The following LPP variants were observed in gnomAD, a reference collection of about 807,000 sequenced individuals.
LPP encodes lipoma-preferred partner.
Under a neutral mutation model 60.4 loss-of-function variants are expected in LPP, and 38 were observed. The ratio of observed to expected loss-of-function variants is 0.63; its 90% CI spans 0.49 to 0.83. LPP has a LOEUF of 0.83. Ranked by LOEUF, LPP falls within the 40% of genes least tolerant of loss-of-function variation. The probability of loss-of-function intolerance (pLI) is 0.00; values close to 1 mark genes in which losing one functional copy is unlikely to be tolerated. For missense variants in LPP, 902 were observed against 783.6 expected, an observed-to-expected ratio of 1.15 and a Z score of -1.80; for synonymous variants, 328 against 290.8, an observed-to-expected ratio of 1.13 and a Z score of -1.30.
intron 2 of LPP, among the ~76,000 whole-genome samples, chr3:188,249,318 G>T (rs1728231622): frequency 6.6e-6 from 1 of 151,962 alleles, no homozygotes; most frequent in Non-Finnish European, 1.5e-5. Context: ...GATCGATTGG[G>T]CCTGGGACAT....
At chr3:188,722,105 C>G (rs1716654343) in intron 8 of LPP, among the ~76,000 whole-genome samples, 1 of 152,156 alleles carries the variant, frequency 6.6e-6, no homozygotes, top group Non-Finnish European at 1.5e-5. Flanking sequence ...ACTTTATGCT[C>G]TGCTTGTTAC....
At chr3:188,813,870 G>T (rs1055186180) in intron 9 of LPP, among the ~76,000 whole-genome samples, 4 of 152,124 alleles carry the variant, frequency 2.6e-5, no homozygotes, top group Non-Finnish European at 4.4e-5. Context: ...AGAAGTTTGA[G>T]ACCAGCCTGG....
intron 6 of LPP, among the ~76,000 whole-genome samples, chr3:188,536,311 A>G (rs1489494634): frequency 8.2e-6 from 1 of 122,616 alleles, no homozygotes. Context: ...ACCCGGCCAT[A>G]TTACAAGATT....
At chr3:188,205,417 G>C (rs1236158180) in intron 1 of LPP, among the ~76,000 whole-genome samples, 1 of 151,662 alleles carries the variant, frequency 6.6e-6, no homozygotes, top group Non-Finnish European at 1.5e-5. Flanking sequence ...AAGTAGCTGG[G>C]ATTACAGGTG....
chr3:188,607,418 A>AAT (rs1553941235), intron 6 of LPP, among the ~76,000 whole-genome samples: 148 of 38,206 alleles, frequency 3.9e-3, no homozygotes, highest in Middle Eastern at 0.015. Context: ...TATATATATA[A>AAT]TTTTTTTTTC....
At chr3:188,250,791 T>TGTCC (rs1729091043) in intron 2 of LPP, among the ~76,000 whole-genome samples, 1 of 116,268 alleles carries the variant, frequency 8.6e-6, no homozygotes, top group Non-Finnish European at 1.7e-5. Context: ...TCTTTCTGTC[T>TGTCC]TTCTCTTTCT....
chr3:188,692,229 T>C (rs557409822), intron 7 of LPP, among the ~76,000 whole-genome samples: 1 of 152,374 alleles, frequency 6.6e-6, no homozygotes, highest in South Asian at 2.1e-4. Flanking sequence ...AGACAGCTGC[T>C]GTCATGCAGC....
intron 4 of LPP, among the ~76,000 whole-genome samples, chr3:188,470,810 G>A (rs557347578): frequency 2.0e-5 from 3 of 152,266 alleles, no homozygotes; most frequent in East Asian, 3.9e-4. Flanking sequence ...GCAGATTACC[G>A]GGTATGTGGC....
chr3:188,577,437 C>T (rs1157005454), intron 6 of LPP, among the ~76,000 whole-genome samples: 1 of 151,868 alleles, frequency 6.6e-6, no homozygotes, highest in African/African-American at 2.4e-5. Flanking sequence ...TATACACTAA[C>T]CAGTTATTTC....
intron 9 of LPP, among the ~76,000 whole-genome samples, chr3:188,833,296 G>A (rs761937535): frequency 6.6e-6 from 1 of 152,180 alleles, no homozygotes; most frequent in Non-Finnish European, 1.5e-5. Flanking sequence ...GTACATTTCA[G>A]GTCTTGCTTC....
chr3:188,586,854 A>T (rs1837583013), intron 6 of LPP, among the ~76,000 whole-genome samples: 1 of 151,346 alleles, frequency 6.6e-6, no homozygotes, highest in Admixed American at 6.6e-5. Context: ...CAGCCTCCCG[A>T]GTAGCTGGGA....
At chr3:188,387,631 A>T (rs978440324) in intron 3 of LPP, among the ~76,000 whole-genome samples, 5 of 148,440 alleles carry the variant, frequency 3.4e-5, no homozygotes, top group Non-Finnish European at 7.4e-5. Context: ...CAGTGGCATG[A>T]TCTCAGCTCA....
At chr3:188,509,960 G>A (rs897220015) in intron 5 of LPP, among the ~76,000 whole-genome samples, 3 of 139,422 alleles carry the variant, frequency 2.2e-5, no homozygotes, top group Non-Finnish European at 4.5e-5. Context: ...CTTGTGATCC[G>A]CCTGCCTTGG....
intron 2 of LPP, among the ~76,000 whole-genome samples, chr3:188,341,456 C>T (rs984128709): frequency 3.9e-5 from 6 of 152,216 alleles, no homozygotes; most frequent in African/African-American, 1.4e-4. Flanking sequence ...TTCTGTCCCT[C>T]TTTGAGCTTC....
At chr3:188,306,805 T>C (rs1291634567) in intron 2 of LPP, among the ~76,000 whole-genome samples, 3 of 152,232 alleles carry the variant, frequency 2.0e-5, no homozygotes, top group Non-Finnish European at 2.9e-5. Context: ...CTTTGGTTTT[T>C]AAAATGTTGG....
At chr3:188,503,720 G>T (rs1464792367) in intron 5 of LPP, among the ~76,000 whole-genome samples, 2 of 151,518 alleles carry the variant, frequency 1.3e-5, no homozygotes, top group African/African-American at 4.9e-5. Flanking sequence ...AGGATTCGTG[G>T]TTGATAATTT....
Position 188,610,601 on chromosome 3 carries a change from G to C in LPP, c.1113+757G>C, listed in dbSNP as rs995235844. ...GTTTAAAAACTCCTTATGAGTGACA[G>C]TTACTTCTTATTTGATTTAATTGTC... On this transcript the variant is annotated intron_variant, in intron 7 of 11. Transcript: ENST00000617246. The surrounding 1 kb of genome is among the most constrained non-coding windows in gnomAD (Gnocchi z 4.4). Among the ~76,000 whole-genome samples the C allele has an allele frequency of 1.3e-5, 2 of 152,194 alleles. No homozygotes were observed. The highest frequency in any genetic ancestry group is 6.5e-5 in the Admixed American group (1 of 15,284).
chr3:188,747,580 G>C (rs770062207), intron 8 of LPP, among the ~76,000 whole-genome samples: 10 of 152,154 alleles, frequency 6.6e-5, no homozygotes, highest in Non-Finnish European at 1.0e-4. Context: ...AAACATTCTG[G>C]TAAGTGATAG....
At chr3:188,178,326 T>A (rs1198388278) in intron 1 of LPP, among the ~76,000 whole-genome samples, 2 of 152,236 alleles carry the variant, frequency 1.3e-5, no homozygotes, top group South Asian at 2.1e-4. Flanking sequence ...CTAGTTCTCC[T>A]CCTCACGCTG....
Sources: allele counts gnomAD v4.1 joint callset (sites outside exome capture counted in the v4.1 genomes callset), GRCh38; gene constraint gnomAD v4.1.1; non-coding constraint Gnocchi (gnomAD v3.1); transcripts MANE v1.5; gene names NCBI Gene and HGNC (gene_info 2026-07-23, HGNC 2026-07-21).